The following SLC24A3 variants were observed in gnomAD, a reference collection of about 807,000 sequenced individuals.
SLC24A3 encodes the protein sodium/potassium/calcium exchanger 3.
SLC24A3 carries 28 observed loss-of-function variants against 75.8 expected under a neutral mutation model. The ratio of observed to expected loss-of-function variants is 0.37; its 90% confidence interval spans 0.27 to 0.51. The LOEUF (loss-of-function observed/expected upper bound fraction) is 0.51, where lower values mean the gene tolerates loss of function less well. Among genes scored for constraint, SLC24A3 ranks in the 20% least tolerant of loss-of-function variants. The probability of loss-of-function intolerance (pLI) is 0.94; values close to 1 mark genes in which losing one functional copy is unlikely to be tolerated. For missense variants in SLC24A3, 663 were observed against 847.8 expected (o/e 0.78, Z 2.71); for synonymous variants, 372 against 334.1 (o/e 1.11, Z -1.24).
chr20:19,299,695 A>G (rs1984151625), intron 2 of SLC24A3, among the ~76,000 whole-genome samples: 1 of 152,182 alleles, frequency 6.6e-6, no homozygotes, highest in African/African-American at 2.4e-5. Flanking sequence ...AGTCCTGAGT[A>G]GAAGTTAGGA....
chr20:19,544,483 C>T (rs58881198), intron 3 of SLC24A3, among the ~76,000 whole-genome samples: 48 of 152,204 alleles, frequency 3.2e-4, no homozygotes, highest in Non-Finnish European at 4.9e-4. Flanking sequence ...GAAATTCTAG[C>T]GCTTGTGTAC....
intron 9 of SLC24A3, among the ~76,000 whole-genome samples, chr20:19,679,468 G>A (rs1033490815): frequency 6.7e-5 from 10 of 149,744 alleles, no homozygotes; most frequent in Admixed American, 2.7e-4. Context: ...GTCCAGCTTC[G>A]GCTCGGCATC....
At chr20:19,331,171 C>A (rs938747968) in intron 2 of SLC24A3, among the ~76,000 whole-genome samples, 14 of 152,102 alleles carry the variant, frequency 9.2e-5, no homozygotes, top group African/African-American at 3.4e-4. Context: ...TGAAAATGGA[C>A]AGAAGTTTAG....
intron 1 of SLC24A3, among the ~76,000 whole-genome samples, chr20:19,223,562 A>G (rs1217348551): frequency 6.6e-6 from 1 of 152,208 alleles, no homozygotes; most frequent in African/African-American, 2.4e-5. Context: ...ATACCTATAT[A>G]ACCATGATAA....
At chr20:19,282,769 G>A (rs968026535) in intron 2 of SLC24A3, among the ~76,000 whole-genome samples, 16 of 152,202 alleles carry the variant, frequency 1.1e-4, no homozygotes, top group African/African-American at 3.4e-4. Flanking sequence ...CAGCAAGGAT[G>A]GGGGGATTCT....
intron 9 of SLC24A3, among the ~76,000 whole-genome samples, chr20:19,677,888 A>G (rs1195562834): frequency 6.6e-6 from 1 of 151,516 alleles, no homozygotes; most frequent in African/African-American, 2.4e-5. Flanking sequence ...GGTACTTGAG[A>G]TTAGGGAGTG....
At position 19,286,302 on chromosome 20, in the gene SLC24A3, G is replaced by C. The variant is rs750933657; in HGVS notation, c.271+5215G>C. ...GAGGGAAACCGGGAAGTCTATATGA[G>C]AGAAGCAACAGGAGGGGAGGTTCAA... On this transcript the variant is annotated intron_variant, in intron 2 of 16. Transcript: ENST00000328041. Among the ~76,000 whole-genome samples the C allele has an allele frequency of 3.3e-5, 5 of 152,094 alleles. No homozygotes were observed. In the East Asian group the frequency reaches 9.7e-4, roughly 29 times the overall value.
At chr20:19,552,234 C>G (rs920860211) in intron 3 of SLC24A3, among the ~76,000 whole-genome samples, 40 of 152,170 alleles carry the variant, frequency 2.6e-4, no homozygotes, top group African/African-American at 9.7e-4. Flanking sequence ...TTCTAAGACT[C>G]TCTCTCCAGC....
chr20:19,444,686 T>C (rs1987351027), intron 2 of SLC24A3, among the ~76,000 whole-genome samples: 1 of 152,148 alleles, frequency 6.6e-6, no homozygotes, highest in Admixed American at 6.5e-5. Context: ...TCATTTCTGA[T>C]GTTAGTAATT....
intron 6 of SLC24A3, among the ~76,000 whole-genome samples, chr20:19,648,457 T>G (rs1005593596): frequency 1.3e-5 from 2 of 152,008 alleles, no homozygotes; most frequent in African/African-American, 4.8e-5. Flanking sequence ...CAACAGTTTT[T>G]TTTTTTAAAG....
Position 19,721,291 on chromosome 20 carries a change from C to T in SLC24A3, c.*151C>T, listed in dbSNP as rs2277865. Reference sequence around the variant, plus strand: ...CGCTCCTGTTTTGGTGGCCCAGGCTCTCCCCTGACCCATCCTCGCTCCCCC... The same window carrying T: ...CGCTCCTGTTTTGGTGGCCCAGGCTTTCCCCTGACCCATCCTCGCTCCCCC... On this transcript the variant is annotated 3_prime_UTR_variant, in exon 17 of 17. Transcript: ENST00000328041. The T allele has an allele frequency of 8.0e-3, 7,699 of 964,154 alleles. 497 individuals carry two copies. The East Asian group carries it at 0.14, about 18-fold the overall frequency. The allele number at this position is 964,154 out of a possible 1,614,324, so 59.7% of individuals were successfully genotyped here.
intron 3 of SLC24A3, among the ~76,000 whole-genome samples, chr20:19,522,249 G>A (rs1009365491): frequency 2.0e-5 from 3 of 152,064 alleles, no homozygotes; most frequent in African/African-American, 7.2e-5. Flanking sequence ...AAATCAAGAA[G>A]CAGAAGTGGC....
rs144436549 is a variant in SLC24A3, at chr20:19,523,798, C to G, written c.348+8234C>G. The stretch of plus-strand genomic sequence containing the variant: ...CACATGAAAGCAGGTGGATGAAGCT[C>G]TTGGCAGAGTGTCTGGCACTGAATA... On this transcript the variant is annotated intron_variant, in intron 3 of 16. Coordinates refer to ENST00000328041, the MANE Select transcript of SLC24A3 (RefSeq NM_020689.4). 1.7e-4 allele frequency among the ~76,000 whole-genome samples: 26 copies of G among 152,348 alleles called. No individual in the cohort carries two copies. In the East Asian group the frequency reaches 4.4e-3, roughly 26 times the overall value.
chr20:19,457,973 T>C (rs1987608182), intron 2 of SLC24A3, among the ~76,000 whole-genome samples: 1 of 152,210 alleles, frequency 6.6e-6, no homozygotes, highest in Non-Finnish European at 1.5e-5. Flanking sequence ...GTTGATGAAT[T>C]CCTTCCCCAC....
chr20:19,411,179 C>T (rs573800974), intron 2 of SLC24A3, among the ~76,000 whole-genome samples: 5 of 152,138 alleles, frequency 3.3e-5, no homozygotes, highest in Non-Finnish European at 7.3e-5. Flanking sequence ...ATCTGTGACA[C>T]CCTGAGCACA....
At chr20:19,710,938 G>A (rs1478147812) in intron 15 of SLC24A3, among the ~76,000 whole-genome samples, 1 of 152,184 alleles carries the variant, frequency 6.6e-6, no homozygotes, top group African/African-American at 2.4e-5. Context: ...TGCGGAGATC[G>A]GCTTAAAGCC....
chr20:19,372,868 C>A (rs1231640802), intron 2 of SLC24A3, among the ~76,000 whole-genome samples: 1 of 152,124 alleles, frequency 6.6e-6, no homozygotes, highest in East Asian at 1.9e-4. Flanking sequence ...GCCAGAATTA[C>A]AGATTTAATC....
chr20:19,279,330 C>T (rs1983587291), intron 1 of SLC24A3, among the ~76,000 whole-genome samples: 1 of 152,192 alleles, frequency 6.6e-6, no homozygotes, highest in Non-Finnish European at 1.5e-5. Flanking sequence ...ATTCAAGAGG[C>T]AGCATTGCCT....
At chr20:19,700,749 TTGGAAA>T (rs1357135987) in intron 15 of SLC24A3, among the ~76,000 whole-genome samples, 1 of 152,238 alleles carries the variant, frequency 6.6e-6, no homozygotes, top group East Asian at 1.9e-4. Flanking sequence ...CAAAATCTCA[TTGGAAA>T]CATCATCTTC....
Sources: gnomAD v4.1 joint callset for allele counts (sites outside exome capture counted in the v4.1 genomes callset) on GRCh38, gnomAD v4.1.1 for gene constraint, MANE v1.5 for transcripts, NCBI Gene and HGNC (gene_info 2026-07-23, HGNC 2026-07-21) for gene names.